TMEM178B: variants seen among roughly 807,000 people sequenced by gnomAD.
The protein encoded by TMEM178B is transmembrane protein 178B.
Under a neutral mutation model 31.0 loss-of-function variants are expected in TMEM178B, and 5 were observed. That is an observed-to-expected ratio of 0.16 (90% CI 0.08 to 0.34). TMEM178B has a LOEUF of 0.34. Ranked by LOEUF, TMEM178B falls within the 10% of genes least tolerant of loss-of-function variation. TMEM178B has a pLI of 1.00. For missense variants in TMEM178B, 275 were observed against 400.3 expected (o/e 0.69, Z 2.67); for synonymous variants, 164 against 164.0 (o/e 1.00, Z 0.00).
At chr7:141,301,968 G>A (rs527575550) in intron 2 of TMEM178B, among the ~76,000 whole-genome samples, 67 of 152,276 alleles carry the variant, frequency 4.4e-4, no homozygotes, top group South Asian at 1.5e-3. Context: ...AAAAGTCTGG[G>A]CAGGTGTGGT....
intron 1 of TMEM178B, among the ~76,000 whole-genome samples, chr7:141,099,225 T>C (rs1048787170): frequency 1.1e-4 from 17 of 152,338 alleles, no homozygotes; most frequent in Middle Eastern, 3.4e-3. Flanking sequence ...CCCTGTATTA[T>C]TTTCAGTTGT....
chr7:141,277,696 C>T (rs988575996), intron 2 of TMEM178B, among the ~76,000 whole-genome samples: 2 of 152,006 alleles, frequency 1.3e-5, no homozygotes, highest in African/African-American at 2.4e-5. Flanking sequence ...GCTGAAATGT[C>T]GTTTTGCAGC....
intron 1 of TMEM178B, among the ~76,000 whole-genome samples, chr7:141,169,933 T>G (rs1387913909): frequency 6.6e-6 from 1 of 152,246 alleles, no homozygotes; most frequent in African/African-American, 2.4e-5. Flanking sequence ...TTCACATGAA[T>G]ACATAATTTC....
chr7:141,284,949 G>T (rs934109770), intron 2 of TMEM178B, among the ~76,000 whole-genome samples: 4 of 151,790 alleles, frequency 2.6e-5, no homozygotes, highest in African/African-American at 9.7e-5. Flanking sequence ...CAATCAAGAA[G>T]AATGGATCAA....
At chr7:141,331,878 C>G (rs188612453) in intron 2 of TMEM178B, among the ~76,000 whole-genome samples, 29 of 152,322 alleles carry the variant, frequency 1.9e-4, no homozygotes, top group Non-Finnish European at 1.5e-5. Context: ...CTCTTTGTAA[C>G]TCTCTTTGTG....
At chr7:141,218,988 C>T (rs747468269) in intron 2 of TMEM178B, among the ~76,000 whole-genome samples, 1 of 152,214 alleles carries the variant, frequency 6.6e-6, no homozygotes, top group Non-Finnish European at 1.5e-5. Flanking sequence ...CCGTCCTCCC[C>T]CAGCCATCCT....
chr7:141,239,339 G>C (rs1318576495), intron 2 of TMEM178B, among the ~76,000 whole-genome samples: 1 of 152,150 alleles, frequency 6.6e-6, no homozygotes, highest in Non-Finnish European at 1.5e-5. Context: ...AGCGGGACTG[G>C]TCAGAGGGAG....
At chr7:141,436,671 G>A (rs1050158393) in intron 2 of TMEM178B, among the ~76,000 whole-genome samples, 7 of 152,148 alleles carry the variant, frequency 4.6e-5, no homozygotes, top group Non-Finnish European at 7.4e-5. Flanking sequence ...AAGGGTAGGG[G>A]GCTTGAGAGC....
At chr7:141,082,680 G>A (rs1443826091) in intron 1 of TMEM178B, among the ~76,000 whole-genome samples, 1 of 152,234 alleles carries the variant, frequency 6.6e-6, no homozygotes, top group Non-Finnish European at 1.5e-5. Flanking sequence ...AGCACCTGCT[G>A]TGTGCAGAGC....
intron 2 of TMEM178B, among the ~76,000 whole-genome samples, chr7:141,281,480 G>T (rs1273587024): frequency 1.3e-5 from 2 of 152,118 alleles, no homozygotes; most frequent in African/African-American, 4.8e-5. Flanking sequence ...GCGAACGTGC[G>T]TTGTCTGTCT....
chr7:141,118,091 G>A (rs1795349485), intron 1 of TMEM178B, among the ~76,000 whole-genome samples: 1 of 152,222 alleles, frequency 6.6e-6, no homozygotes, highest in Non-Finnish European at 1.5e-5. Context: ...TCCTGTGGAA[G>A]GGAGTTTAGT....
chr7:141,216,351 G>C (rs1490848168), intron 2 of TMEM178B, among the ~76,000 whole-genome samples: 1 of 151,966 alleles, frequency 6.6e-6, no homozygotes, highest in East Asian at 1.9e-4. Flanking sequence ...GATTCTGGAG[G>C]CCACTAGGCT....
intron 2 of TMEM178B, among the ~76,000 whole-genome samples, chr7:141,345,604 C>G (rs1484864190): frequency 1.3e-5 from 2 of 152,180 alleles, no homozygotes; most frequent in Non-Finnish European, 2.9e-5. Context: ...TTGTCATTCT[C>G]TTTACCCTGC....
intron 2 of TMEM178B, among the ~76,000 whole-genome samples, chr7:141,353,884 C>T (rs1799776301): frequency 6.6e-6 from 1 of 152,234 alleles, no homozygotes; most frequent in Non-Finnish European, 1.5e-5. Context: ...AAAGTATCCT[C>T]TAATGATCAT....
chr7:141,186,834 C>T (rs935543155), intron 1 of TMEM178B, among the ~76,000 whole-genome samples: 1 of 152,220 alleles, frequency 6.6e-6, no homozygotes, highest in African/African-American at 2.4e-5. Flanking sequence ...CCTGCAGTGT[C>T]TTAGGGGTCA....
the TMEM178B span, among the ~76,000 whole-genome samples, chr7:141,495,115 A>G: frequency 6.6e-6 from 1 of 152,210 alleles, no homozygotes; most frequent in African/African-American, 2.4e-5. Context: ...TGGGATTTGC[A>G]TCTCACAGTT....
chr7:141,172,115 A>T (rs556752207), intron 1 of TMEM178B, among the ~76,000 whole-genome samples: 31 of 152,308 alleles, frequency 2.0e-4, no homozygotes, highest in Admixed American at 7.8e-4. Flanking sequence ...TAGAGATTAA[A>T]TACCTTCCCC....
At chr7:141,376,642 G>A (rs897043967) in intron 2 of TMEM178B, among the ~76,000 whole-genome samples, 2 of 152,194 alleles carry the variant, frequency 1.3e-5, no homozygotes, top group African/African-American at 4.8e-5. Flanking sequence ...CCACGAAGAA[G>A]CAATCACACA....
At chr7:141,430,823 G>C (rs1460498813) in intron 2 of TMEM178B, among the ~76,000 whole-genome samples, 1 of 152,040 alleles carries the variant, frequency 6.6e-6, no homozygotes, top group Admixed American at 6.5e-5. Flanking sequence ...CTTGAGTTCT[G>C]CCCTCACCAC....
Sources: allele counts gnomAD v4.1 joint callset (sites outside exome capture counted in the v4.1 genomes callset), GRCh38; gene constraint gnomAD v4.1.1; transcripts MANE v1.5; gene names NCBI Gene and HGNC (gene_info 2026-07-23, HGNC 2026-07-21).